TNIK: variants seen among roughly 807,000 people sequenced by gnomAD.
TNIK encodes TRAF2 and NCK-interacting protein kinase.
In TNIK, 49 loss-of-function variants were observed where a neutral mutation model predicts 191.3. The ratio of observed to expected loss-of-function variants is 0.26; its 90% CI spans 0.20 to 0.32. The LOEUF (loss-of-function observed/expected upper bound fraction) is 0.32. Ranked by LOEUF, TNIK falls within the 10% of genes least tolerant of loss-of-function variation. The pLI is 1.00. For synonymous variants in TNIK, 594 were observed against 600.9 expected (o/e 0.99, Z 0.17); for missense variants, 1,155 against 1,702.3 (o/e 0.68, Z 5.66).
chr3:171,240,974 A>G (rs555974490), intron 2 of TNIK, among the ~76,000 whole-genome samples: 7 of 151,812 alleles, frequency 4.6e-5, no homozygotes, highest in Admixed American at 1.3e-4. Flanking sequence ...TGTATGAATG[A>G]ATTCCTAACC....
chr3:171,070,009 C>G (rs1276725200), intron 29 of TNIK, among the ~76,000 whole-genome samples: 1 of 152,194 alleles, frequency 6.6e-6, no homozygotes, highest in East Asian at 1.9e-4. Context: ...GAACATTTTG[C>G]ACTCTCTCAT....
intron 2 of TNIK, among the ~76,000 whole-genome samples, chr3:171,358,186 A>G (rs887107353): frequency 3.3e-5 from 5 of 152,248 alleles, no homozygotes; most frequent in Non-Finnish European, 7.3e-5. Context: ...AAATTGTAAT[A>G]AAAATAACCA....
intron 3 of TNIK, among the ~76,000 whole-genome samples, chr3:171,226,454 T>C (rs1742976788): frequency 6.6e-6 from 1 of 152,174 alleles, no homozygotes; most frequent in Non-Finnish European, 1.5e-5. Flanking sequence ...CACTCTACCA[T>C]ATCACTGACA....
At chr3:171,326,841 C>T (rs182055005) in intron 2 of TNIK, among the ~76,000 whole-genome samples, 9 of 152,304 alleles carry the variant, frequency 5.9e-5, no homozygotes, top group Admixed American at 5.9e-4. Context: ...CAAACTACCT[C>T]TGCCCTTGAG....
At chr3:171,372,717 G>T (rs773367664) in intron 1 of TNIK, among the ~76,000 whole-genome samples, 1 of 152,140 alleles carries the variant, frequency 6.6e-6, no homozygotes, top group African/African-American at 2.4e-5. Flanking sequence ...TCAGATGAAC[G>T]TCATCCCTAG....
At chr3:171,156,553 G>A (rs754120606) in intron 12 of TNIK, among the ~76,000 whole-genome samples, 18 of 152,192 alleles carry the variant, frequency 1.2e-4, no homozygotes, top group South Asian at 2.1e-4. Context: ...ATGCTCTCTC[G>A]GTTTCCTAAT....
At position 171,206,335 on chromosome 3, in the gene TNIK, G is replaced by GTATATATATATATATATATATA. The variant is rs60356829; in HGVS notation, c.306+4780_306+4781insTATATATATATATATATATATA. Among the ~76,000 whole-genome samples, 1,054 of 132,758 alleles carry GTATATATATATATATATATATA rather than the reference G, an allele frequency of 7.9e-3. 41 individuals carry two copies. Among genetic ancestry groups the GTATATATATATATATATATATA allele is most frequent in the East Asian group, 0.068 (249 of 3,646 alleles). 87.1% of individuals were successfully genotyped at this position (132,758 alleles called of 152,430 possible). ...AATATATGGAGATATATATGTTCGT[G>GTATATATATATATATATATATA]TATATATATATATATATATGGAAGA... On this transcript the variant is annotated intron_variant, in intron 4 of 32. Coordinates refer to ENST00000436636, the MANE Select transcript of TNIK (RefSeq NM_015028.4).
intron 4 of TNIK, among the ~76,000 whole-genome samples, chr3:171,208,222 G>A (rs1044021089): frequency 1.3e-5 from 2 of 152,164 alleles, no homozygotes; most frequent in Non-Finnish European, 1.5e-5. Flanking sequence ...TCAGAAGGCT[G>A]AGGCAGCAGG....
At chr3:171,229,691 A>G (rs765046920) in intron 2 of TNIK, among the ~76,000 whole-genome samples, 17 of 152,012 alleles carry the variant, frequency 1.1e-4, no homozygotes, top group Non-Finnish European at 2.2e-4. Context: ...TTCTTCTCAC[A>G]TATCTCAGCT....
intron 3 of TNIK, among the ~76,000 whole-genome samples, chr3:171,227,216 C>T (rs572870405): frequency 5.3e-5 from 8 of 152,126 alleles, no homozygotes; most frequent in Non-Finnish European, 8.8e-5. Context: ...GCAAAAGGAT[C>T]GAAAACATTA....
intron 22 of TNIK, among the ~76,000 whole-genome samples, chr3:171,098,919 TAC>T (rs935274533): frequency 2.0e-5 from 3 of 152,196 alleles, no homozygotes; most frequent in Non-Finnish European, 4.4e-5. Context: ...GAAGTAAACA[TAC>T]ACACATACAT....
intron 1 of TNIK, among the ~76,000 whole-genome samples, chr3:171,421,038 C>T (rs1560050986): frequency 6.6e-6 from 1 of 152,034 alleles, no homozygotes; most frequent in African/African-American, 2.4e-5. Flanking sequence ...GAAAATGAAC[C>T]CACAGATAAG....
intron 1 of TNIK, among the ~76,000 whole-genome samples, chr3:171,408,903 C>T (rs1722049816): frequency 6.6e-6 from 1 of 152,132 alleles, no homozygotes; most frequent in Non-Finnish European, 1.5e-5. Flanking sequence ...CCAATCGGTA[C>T]ACCTCACTCG....
chr3:171,387,370 GTAGA>G (rs906344587), intron 1 of TNIK, among the ~76,000 whole-genome samples: 2 of 152,172 alleles, frequency 1.3e-5, no homozygotes, highest in African/African-American at 4.8e-5. Flanking sequence ...CATAATGCTA[GTAGA>G]TAGAGTGTCT....
At chr3:171,454,484 T>C (rs1038978330) in intron 1 of TNIK, among the ~76,000 whole-genome samples, 1 of 152,202 alleles carries the variant, frequency 6.6e-6, no homozygotes, top group African/African-American at 2.4e-5. Flanking sequence ...AGTAGATAAT[T>C]ATGCAAACAG....
intron 28 of TNIK, among the ~76,000 whole-genome samples, chr3:171,072,292 T>C (rs1719284061): frequency 6.6e-6 from 1 of 152,182 alleles, no homozygotes; most frequent in African/African-American, 2.4e-5. Flanking sequence ...AAAATTTTAA[T>C]ATACTTAAAT....
At chr3:171,232,498 GA>G (rs1743780718) in intron 2 of TNIK, among the ~76,000 whole-genome samples, 1 of 152,172 alleles carries the variant, frequency 6.6e-6, no homozygotes, top group Non-Finnish European at 1.5e-5. Context: ...TTAATAAAAG[GA>G]TGAACTGAAT....
intron 2 of TNIK, among the ~76,000 whole-genome samples, chr3:171,327,712 G>T (rs1755932134): frequency 6.6e-6 from 1 of 151,792 alleles, no homozygotes; most frequent in Admixed American, 6.6e-5. Flanking sequence ...GGAGCAAAGG[G>T]GGGTGTGTAA....
chr3:171,089,111 G>A (rs1721725121), intron 23 of TNIK, among the ~76,000 whole-genome samples: 1 of 152,220 alleles, frequency 6.6e-6, no homozygotes, highest in African/African-American at 2.4e-5. Flanking sequence ...AATGGTGCAT[G>A]TAATTGATGT....
Sources: gnomAD v4.1 joint callset for allele counts (sites outside exome capture counted in the v4.1 genomes callset) on GRCh38, gnomAD v4.1.1 for gene constraint, MANE v1.5 for transcripts, NCBI Gene and HGNC (gene_info 2026-07-23, HGNC 2026-07-21) for gene names.